FBXL7: variants seen among roughly 807,000 people sequenced by gnomAD.
FBXL7 encodes F-box/LRR-repeat protein 7.
FBXL7 carries 12 observed loss-of-function variants against 38.3 expected under a neutral mutation model. The observed-to-expected ratio is 0.31, with a 90% confidence interval of 0.20 to 0.51. The LOEUF is 0.51. FBXL7 is among the 20% of genes least tolerant of loss of function. The pLI is 0.98. For synonymous variants in FBXL7, 297 were observed against 300.9 expected (o/e 0.99, Z 0.13); for missense variants, 567 against 676.4 (o/e 0.84, Z 1.79).
chr5:15,518,175 G>C (rs1409818481), intron 1 of FBXL7, among the ~76,000 whole-genome samples: 1 of 151,968 alleles, frequency 6.6e-6, no homozygotes, highest in Non-Finnish European at 1.5e-5. Context: ...ATTTTTAGTA[G>C]AGACAGGGTT....
At chr5:15,665,069 G>A (rs1006201867) in intron 2 of FBXL7, among the ~76,000 whole-genome samples, 7 of 152,044 alleles carry the variant, frequency 4.6e-5, no homozygotes, top group Non-Finnish European at 7.4e-5. Context: ...AGTATGTTGA[G>A]GTACTTTTCT....
intron 2 of FBXL7, among the ~76,000 whole-genome samples, chr5:15,667,736 G>A (rs1473372843): frequency 6.6e-6 from 1 of 152,080 alleles, no homozygotes; most frequent in African/African-American, 2.4e-5. Context: ...AAATCTTGCT[G>A]GGTTTTCATT....
intron 1 of FBXL7, chr5:15,602,298 A>G (rs1032752483): frequency 6.6e-6 from 1 of 152,072 alleles, no homozygotes; most frequent in Non-Finnish European, 1.5e-5. Context: ...CGGAGGTTCT[A>G]CAAGTAGCCA....
chr5:15,529,110 G>A (rs685706), intron 1 of FBXL7, among the ~76,000 whole-genome samples: 12,798 of 152,146 alleles, frequency 0.084, 1,640 homozygotes, highest in African/African-American at 0.28. Context: ...CCACCATTCT[G>A]CTCTCTACTT....
chr5:15,538,850 T>G (rs903768548), intron 1 of FBXL7, among the ~76,000 whole-genome samples: 7 of 152,182 alleles, frequency 4.6e-5, no homozygotes, highest in Non-Finnish European at 8.8e-5. Flanking sequence ...ATTTTGAGAT[T>G]TATACAAACT....
intron 1 of FBXL7, among the ~76,000 whole-genome samples, chr5:15,505,844 C>A (rs183708452): frequency 1.3e-5 from 2 of 152,110 alleles, no homozygotes; most frequent in Non-Finnish European, 2.9e-5. Context: ...CCCCCACATC[C>A]GCTGGGGATG....
chr5:15,886,408 C>T (rs543236486), intron 2 of FBXL7, among the ~76,000 whole-genome samples: 49 of 152,134 alleles, frequency 3.2e-4, no homozygotes, highest in African/African-American at 9.4e-4. Context: ...TCACTATGGC[C>T]GTAAAATCAG....
chr5:15,793,923 T>G (rs1336128999), intron 2 of FBXL7, among the ~76,000 whole-genome samples: 4 of 152,242 alleles, frequency 2.6e-5, no homozygotes, highest in Non-Finnish European at 5.9e-5. Flanking sequence ...CCTAGCCATG[T>G]GCGCCTCTCC....
chr5:15,639,153 T>C (rs886956811), intron 2 of FBXL7, among the ~76,000 whole-genome samples: 1 of 152,222 alleles, frequency 6.6e-6, no homozygotes. Context: ...TATTCTTAGG[T>C]TCCCAAATTG....
At position 15,927,878 on chromosome 5, in the gene FBXL7, G is replaced by A; in HGVS notation, c.128-12G>A. On this transcript the variant is annotated splice_polypyrimidine_tract_variant and intron_variant, in intron 2 of 3. Transcript: ENST00000504595. ...CCATCATGATTAACCTTTGTTCTCT[G>A]TCCTTTGCCAGACTCCGACCTGAGC... 7 of 1,513,920 alleles carry A rather than the reference G, an allele frequency of 4.6e-6. No individual in the cohort carries two copies. Among genetic ancestry groups the A allele is most frequent in the Non-Finnish European group, 6.2e-6 (7 of 1,131,106 alleles). The allele number at this position is 1,513,920 out of a possible 1,614,324, so 93.8% of individuals were successfully genotyped here. A position where few individuals can be genotyped will look rare whatever the true frequency, so the allele number is the denominator to read the frequency against.
intron 2 of FBXL7, among the ~76,000 whole-genome samples, chr5:15,769,128 A>G (rs367927044): frequency 2.6e-5 from 4 of 152,136 alleles, no homozygotes; most frequent in South Asian, 4.1e-4. Context: ...GTCTTCCCAC[A>G]TGGCCTTTGG....
chr5:15,856,494 C>A (rs1739275913), intron 2 of FBXL7, among the ~76,000 whole-genome samples: 1 of 151,688 alleles, frequency 6.6e-6, no homozygotes, highest in Non-Finnish European at 1.5e-5. Context: ...CAACAAACAC[C>A]CACAACCCAA....
At chr5:15,734,042 A>G (rs1304862897) in intron 2 of FBXL7, among the ~76,000 whole-genome samples, 1 of 150,512 alleles carries the variant, frequency 6.6e-6, no homozygotes, top group East Asian at 2.0e-4. Flanking sequence ...GGGACCCGGG[A>G]GATGGAGGGT....
intron 1 of FBXL7, among the ~76,000 whole-genome samples, chr5:15,590,653 A>T (rs1739443826): frequency 6.6e-6 from 1 of 151,804 alleles, no homozygotes; most frequent in South Asian, 2.1e-4. Flanking sequence ...AGACCACCTT[A>T]TTGCCCCCAA....
At chr5:15,699,444 C>CT (rs1252745957) in intron 2 of FBXL7, among the ~76,000 whole-genome samples, 1 of 152,146 alleles carries the variant, frequency 6.6e-6, no homozygotes, top group African/African-American at 2.4e-5. Flanking sequence ...CGTTGTGCTC[C>CT]TTCTGTGTGC....
intron 2 of FBXL7, among the ~76,000 whole-genome samples, chr5:15,835,744 A>G (rs751592485): frequency 1.3e-5 from 2 of 152,166 alleles, no homozygotes. Flanking sequence ...ACTGCAATGG[A>G]ATCCCAAGCA....
intron 2 of FBXL7, among the ~76,000 whole-genome samples, chr5:15,669,990 C>A (rs1742412408): frequency 6.6e-6 from 1 of 152,114 alleles, no homozygotes; most frequent in Non-Finnish European, 1.5e-5. Flanking sequence ...TGGTTTGTCT[C>A]ATTCTCTTTT....
rs1245922344 is a variant in FBXL7, at chr5:15,937,545, C to T, written c.*359C>T. The T allele has an allele frequency of 3.7e-5, 6 of 163,204 alleles. No individual in the cohort carries two copies. The East Asian group carries it at 8.5e-4, about 23-fold the overall frequency. The allele number at this position is 163,204 out of a possible 1,614,324, so 10.1% of individuals were successfully genotyped here. On this transcript the variant is annotated 3_prime_UTR_variant, in exon 4 of 4. Coordinates refer to ENST00000504595, the MANE Select transcript of FBXL7 (RefSeq NM_012304.5). ...CACAGGCCCCACCCCCACAGTTCCACGCCCCCCCCCCAAGGCCACACCCTC... is the reference window on the plus strand; with the variant it reads ...CACAGGCCCCACCCCCACAGTTCCATGCCCCCCCCCCAAGGCCACACCCTC...
At chr5:15,502,807 G>A (rs1308923627) in intron 1 of FBXL7, among the ~76,000 whole-genome samples, 1 of 152,190 alleles carries the variant, frequency 6.6e-6, no homozygotes. Context: ...GGGCTCAGGT[G>A]TGGCAGTGCC....
Sources: gnomAD v4.1 joint callset for allele counts (sites outside exome capture counted in the v4.1 genomes callset) on GRCh38, gnomAD v4.1.1 for gene constraint, MANE v1.5 for transcripts, NCBI Gene and HGNC (gene_info 2026-07-23, HGNC 2026-07-21) for gene names.